Variants in CHST9 observed in about 807,000 individuals in gnomAD.
CHST9 encodes the protein carbohydrate sulfotransferase 9.
Under a neutral mutation model 44.4 loss-of-function variants are expected in CHST9, and 41 were observed. The observed-to-expected ratio is 0.92, with a 90% confidence interval of 0.72 to 1.20. CHST9 has a LOEUF of 1.20. Ranked by LOEUF, CHST9 falls within the 50% of genes most tolerant of loss-of-function variation. The pLI is 0.00. For missense variants in CHST9, 504 were observed against 516.5 expected (o/e 0.98, Z 0.23); for synonymous variants, 171 against 178.4 (o/e 0.96, Z 0.33).
At chr18:27,047,677 ATGGG>A (rs1332373582) in intron 3 of CHST9, among the ~76,000 whole-genome samples, 1 of 152,066 alleles carries the variant, frequency 6.6e-6, no homozygotes, top group Non-Finnish European at 1.5e-5. Flanking sequence ...AAGCTAGTGG[ATGGG>A]AGTGATTGGT....
chr18:27,136,093 A>G, intron 2 of CHST9, among the ~76,000 whole-genome samples: 1 of 152,222 alleles, frequency 6.6e-6, no homozygotes, highest in East Asian at 1.9e-4. Flanking sequence ...GGAACCCAAC[A>G]GTCTGTTTTA....
rs368212567 is a variant in CHST9 at position 27,018,154 on chromosome 18, T to C, written c.202+5962A>G. ...TCTCCATCACCGCTGAATTATTCTATGGGGCACTTTAACAAGGCCCCAAAA... is the reference window on the plus strand; with the variant it reads ...TCTCCATCACCGCTGAATTATTCTACGGGGCACTTTAACAAGGCCCCAAAA... On this transcript the variant is annotated intron_variant, in intron 4 of 5. Coordinates refer to ENST00000618847, the MANE Select transcript of CHST9 (RefSeq NM_031422.6). Among the ~76,000 whole-genome samples the C allele has an allele frequency of 3.3e-5, 5 of 152,360 alleles. No individual in the cohort carries two copies. In the East Asian group the frequency reaches 5.8e-4, roughly 18 times the overall value.
At chr18:27,131,704 A>G (rs1306337588) in intron 2 of CHST9, among the ~76,000 whole-genome samples, 2 of 152,228 alleles carry the variant, frequency 1.3e-5, no homozygotes, top group Admixed American at 1.3e-4. Flanking sequence ...TAAGTCTGAC[A>G]CAACAGACTT....
At chr18:27,112,937 C>A (rs1335257607) in intron 2 of CHST9, among the ~76,000 whole-genome samples, 1 of 152,124 alleles carries the variant, frequency 6.6e-6, no homozygotes, top group Non-Finnish European at 1.5e-5. Flanking sequence ...CGCCTGTAAT[C>A]CCAGCACTTT....
At chr18:27,112,061 TATAG>T (rs1196215073) in intron 2 of CHST9, among the ~76,000 whole-genome samples, 1 of 149,692 alleles carries the variant, frequency 6.7e-6, no homozygotes, top group Non-Finnish European at 1.5e-5. Flanking sequence ...AAAATATACA[TATAG>T]ATATATATTT....
chr18:26,986,562 T>G (rs1306124297), intron 4 of CHST9, among the ~76,000 whole-genome samples: 1 of 152,144 alleles, frequency 6.6e-6, no homozygotes, highest in East Asian at 1.9e-4. Context: ...AACTTTAAGT[T>G]CAGAGATCTA....
At chr18:26,979,824 GT>G (rs1339245907) in intron 4 of CHST9, among the ~76,000 whole-genome samples, 1 of 152,090 alleles carries the variant, frequency 6.6e-6, no homozygotes, top group Non-Finnish European at 1.5e-5. Flanking sequence ...AGACCATTGA[GT>G]TGATAAACTA....
chr18:27,113,224 A>C lies in CHST9; in HGVS notation c.121+29465T>G, dbSNP rs140370886. Among the ~76,000 whole-genome samples, 5 of 151,836 alleles carry C rather than the reference A, an allele frequency of 3.3e-5. No individual in the cohort carries two copies. The East Asian group carries it at 9.7e-4, about 29-fold the overall frequency. ...AAAAAAAAATCAATTGATGACACCA[A>C]TCAGTACTATCACATAACCTATCAT... On this transcript the variant is annotated intron_variant, in intron 2 of 5. Transcript: ENST00000618847.
chr18:27,146,863 T>C (rs1016140684), intron 1 of CHST9, among the ~76,000 whole-genome samples: 1 of 152,208 alleles, frequency 6.6e-6, no homozygotes, highest in Non-Finnish European at 1.5e-5. Flanking sequence ...CATATCTTTT[T>C]ATTTATCTCT....
chr18:27,171,670 T>C (rs1025433329), intron 1 of CHST9, among the ~76,000 whole-genome samples: 1 of 152,190 alleles, frequency 6.6e-6, no homozygotes, highest in African/African-American at 2.4e-5. Context: ...GTGTTTTTTC[T>C]AAACTGGTCA....
intron 2 of CHST9, among the ~76,000 whole-genome samples, chr18:27,095,685 GA>G (rs1325583975): frequency 1.3e-5 from 2 of 152,012 alleles, no homozygotes; most frequent in Non-Finnish European, 2.9e-5. Context: ...AGTAAAAGAG[GA>G]CAAAGAAGGG....
chr18:27,000,175 C>G (rs17702543), intron 4 of CHST9, among the ~76,000 whole-genome samples: 1 of 152,172 alleles, frequency 6.6e-6, no homozygotes, highest in African/African-American at 2.4e-5. Flanking sequence ...ATATCCACCC[C>G]GGTTTTCAAA....
At chr18:27,103,736 T>G (rs1598727038) in intron 2 of CHST9, among the ~76,000 whole-genome samples, 1 of 152,162 alleles carries the variant, frequency 6.6e-6, no homozygotes, top group East Asian at 1.9e-4. Context: ...GTGGCATAGA[T>G]CTCTTTAAAT....
At chr18:27,117,805 A>G (rs1327476065) in intron 2 of CHST9, among the ~76,000 whole-genome samples, 1 of 152,232 alleles carries the variant, frequency 6.6e-6, no homozygotes, top group Admixed American at 6.5e-5. Flanking sequence ...ACTAAAGGAC[A>G]TCTTATTTGC....
chr18:26,986,200 A>G (rs2056753233), intron 4 of CHST9, among the ~76,000 whole-genome samples: 1 of 152,158 alleles, frequency 6.6e-6, no homozygotes, highest in South Asian at 2.1e-4. Flanking sequence ...GGATATTTTA[A>G]AGAGTTATAA....
chr18:27,015,295 G>A (rs998749179), intron 4 of CHST9, among the ~76,000 whole-genome samples: 3 of 150,000 alleles, frequency 2.0e-5, no homozygotes, highest in South Asian at 2.1e-4. Flanking sequence ...TTTATTTTCC[G>A]AAGTTTAAAT....
intron 3 of CHST9, among the ~76,000 whole-genome samples, chr18:27,026,482 G>C (rs1266972616): frequency 6.6e-6 from 1 of 152,016 alleles, no homozygotes; most frequent in East Asian, 1.9e-4. Flanking sequence ...TTTATCTTTT[G>C]AATTGTCTCC....
chr18:26,924,481 G>T, intron 5 of CHST9: 1 of 235,504 alleles, frequency 4.2e-6, no homozygotes, highest in Non-Finnish European at 6.9e-6. Flanking sequence ...GCTGGTGGAG[G>T]TGCAGCTGGA....
At chr18:27,180,879 C>G (rs935024417) in intron 1 of CHST9, among the ~76,000 whole-genome samples, 33 of 152,004 alleles carry the variant, frequency 2.2e-4, no homozygotes, top group African/African-American at 7.0e-4. Flanking sequence ...CTGTGGGTCT[C>G]AATTATATTT....
Sources: allele counts gnomAD v4.1 joint callset (sites outside exome capture counted in the v4.1 genomes callset), GRCh38; gene constraint gnomAD v4.1.1; transcripts MANE v1.5; gene names NCBI Gene and HGNC (gene_info 2026-07-23, HGNC 2026-07-21).